The following AUTS2 variants were observed in gnomAD, a reference collection of about 807,000 sequenced individuals.
AUTS2 encodes the protein autism susceptibility gene 2 protein.
A neutral mutation model predicts 112.4 loss-of-function variants in AUTS2; 17 were observed. The observed-to-expected ratio is 0.15, with a 90% CI of 0.10 to 0.23. The LOEUF (loss-of-function observed/expected upper bound fraction) is 0.23, where lower values mean the gene tolerates loss of function less well. Among genes scored for constraint, AUTS2 ranks in the 10% least tolerant of loss-of-function variants. AUTS2 has a pLI of 1.00. For synonymous variants in AUTS2, 751 were observed against 702.7 expected, an observed-to-expected ratio of 1.07 and a Z score of -1.09; for missense variants, 1,510 against 1,701.6, an observed-to-expected ratio of 0.89 and a Z score of 1.98.
intron 1 of AUTS2, among the ~76,000 whole-genome samples, chr7:69,713,459 A>G (rs1268294479): frequency 6.9e-6 from 1 of 145,880 alleles, no homozygotes; most frequent in Non-Finnish European, 1.5e-5. Context: ...TGCTTTCAAG[A>G]GTTTTTTTTT....
At chr7:69,798,031 T>TA (rs1197680991) in intron 1 of AUTS2, among the ~76,000 whole-genome samples, 2 of 152,094 alleles carry the variant, frequency 1.3e-5, no homozygotes, top group African/African-American at 4.8e-5. Context: ...CTTTTTTTTT[T>TA]AATCCATGAA....
intron 4 of AUTS2, among the ~76,000 whole-genome samples, chr7:70,372,900 A>C (rs997879285): frequency 1.3e-5 from 2 of 152,058 alleles, no homozygotes; most frequent in Non-Finnish European, 2.9e-5. Flanking sequence ...TCATGGGGGA[A>C]GGGCGAGGGT....
chr7:70,714,873 C>T (rs950301746), intron 6 of AUTS2, among the ~76,000 whole-genome samples: 2 of 152,114 alleles, frequency 1.3e-5, no homozygotes, highest in African/African-American at 4.8e-5. Flanking sequence ...TCTGGGTGTC[C>T]CAGTTTTAGT....
intron 4 of AUTS2, among the ~76,000 whole-genome samples, chr7:70,302,441 T>C (rs1220007041): frequency 6.6e-6 from 1 of 152,026 alleles, no homozygotes; most frequent in Non-Finnish European, 1.5e-5. Flanking sequence ...TTATACTAAA[T>C]GGGCTTGAAT....
chr7:70,662,490 CCA>C (rs2129543002), intron 5 of AUTS2, among the ~76,000 whole-genome samples: 1 of 152,282 alleles, frequency 6.6e-6, no homozygotes, highest in South Asian at 2.1e-4. Context: ...GCTGTAATCC[CCA>C]GTGTTCAAGC....
intron 1 of AUTS2, among the ~76,000 whole-genome samples, chr7:69,894,817 C>T (rs1794678271): frequency 6.6e-6 from 1 of 152,118 alleles, no homozygotes; most frequent in African/African-American, 2.4e-5. Flanking sequence ...TTCTGCCACT[C>T]TTCATTTGCT....
Position 70,631,213 on chromosome 7 carries a change from C to T in AUTS2, c.691-67356C>T, listed in dbSNP as rs766447407. Among the ~76,000 whole-genome samples, 3 of 152,144 alleles carry T rather than the reference C, an allele frequency of 2.0e-5. No homozygotes were observed. The highest frequency in any genetic ancestry group is 4.4e-5 in the Non-Finnish European group (3 of 68,040). On this transcript the variant is annotated intron_variant, in intron 5 of 18. Coordinates refer to ENST00000342771, the MANE Select transcript of AUTS2 (RefSeq NM_015570.4). The surrounding 1 kb of genome is among the most constrained non-coding windows in gnomAD (Gnocchi z 4.5). The stretch of plus-strand genomic sequence containing the variant: ...TGTCAGCACAGGATGACGAAGGGGC[C>T]AAGAGGGTCCTCAGAGACAAACTGT...
chr7:70,774,084 C>T lies in AUTS2; in HGVS notation c.1887C>T (p.Leu629=). ...ARPGTVPHTL[L]QKDPRLTDPF... ...CTGGGACAGTCCCACACACTTTACT[C>T]CAAAAGGACCCGAGGGTACGTGCAA... The change falls in exon 12 of 19, where the codon CTC becomes CTT. Residue 629 remains leucine (L), a synonymous_variant. Coordinates refer to ENST00000342771, the MANE Select transcript of AUTS2 (RefSeq NM_015570.4). 1 of 1,614,194 alleles carries T rather than the reference C, an allele frequency of 6.2e-7. No individual in the cohort carries two copies. The highest frequency in any genetic ancestry group is 8.5e-7 in the Non-Finnish European group (1 of 1,180,020).
At chr7:70,555,904 A>G (rs1801228796) in intron 5 of AUTS2, among the ~76,000 whole-genome samples, 1 of 151,332 alleles carries the variant, frequency 6.6e-6, no homozygotes, top group South Asian at 2.1e-4. Context: ...TCCCGGGTTC[A>G]TGCCATTCTC....
At chr7:69,892,172 T>C (rs917817335) in intron 1 of AUTS2, among the ~76,000 whole-genome samples, 1 of 61,176 alleles carries the variant, frequency 1.6e-5, no homozygotes, top group African/African-American at 8.8e-5. Context: ...TTTTGAGAAT[T>C]TTTTTTTTTT....
intron 4 of AUTS2, among the ~76,000 whole-genome samples, chr7:70,217,807 C>G (rs1179643411): frequency 6.6e-6 from 1 of 152,168 alleles, no homozygotes; most frequent in Non-Finnish European, 1.5e-5. Flanking sequence ...TGGGCTGCTG[C>G]AACAATGGAC....
At chr7:70,620,937 A>C (rs1554443519) in intron 5 of AUTS2, among the ~76,000 whole-genome samples, 1 of 152,142 alleles carries the variant, frequency 6.6e-6, no homozygotes, top group Non-Finnish European at 1.5e-5. Context: ...TGGTCAGAAG[A>C]CCAGTTCAGC....
chr7:70,424,736 A>G (rs1488859030), intron 4 of AUTS2, among the ~76,000 whole-genome samples: 2 of 152,068 alleles, frequency 1.3e-5, no homozygotes, highest in Non-Finnish European at 2.9e-5. Flanking sequence ...ACAGGCATGC[A>G]TGACCATACC....
At chr7:70,602,177 CCAT>C (rs2067148) in intron 5 of AUTS2, among the ~76,000 whole-genome samples, 67,913 of 151,808 alleles carry the variant, frequency 0.45, 15,742 homozygotes, top group Non-Finnish European at 0.48. Context: ...AAAACCTTTG[CCAT>C]CATCCTCTCA....
At chr7:70,414,002 C>T (rs73175912) in intron 4 of AUTS2, among the ~76,000 whole-genome samples, 1,670 of 152,288 alleles carry the variant, frequency 0.011, 13 homozygotes, top group South Asian at 0.057. Flanking sequence ...TGCTTACACA[C>T]TGCTTTTGGA....
chr7:70,685,986 C>G (rs1196399029), intron 5 of AUTS2, among the ~76,000 whole-genome samples: 1 of 152,194 alleles, frequency 6.6e-6, no homozygotes, highest in Non-Finnish European at 1.5e-5. Context: ...ATGACAGCCA[C>G]TGTTTGCTGA....
intron 1 of AUTS2, among the ~76,000 whole-genome samples, chr7:69,688,680 GT>G (rs994838818): frequency 2.0e-5 from 3 of 152,066 alleles, no homozygotes; most frequent in African/African-American, 7.2e-5. Flanking sequence ...ATATATTATT[GT>G]TAACTATAGT....
chr7:69,916,783 C>T (rs780277511), intron 2 of AUTS2, among the ~76,000 whole-genome samples: 4 of 152,150 alleles, frequency 2.6e-5, no homozygotes, highest in Non-Finnish European at 4.4e-5. Context: ...ATCCTTCCTG[C>T]GAGTGCAGTA....
At chr7:70,495,282 C>T (rs185247919) in intron 5 of AUTS2, among the ~76,000 whole-genome samples, 1 of 151,594 alleles carries the variant, frequency 6.6e-6, no homozygotes, top group Non-Finnish European at 1.5e-5. Flanking sequence ...AGTCCACCCC[C>T]CTTCTACTTA....
Sources: gnomAD v4.1 joint callset for allele counts (sites outside exome capture counted in the v4.1 genomes callset) on GRCh38, gnomAD v4.1.1 for gene constraint, Gnocchi (gnomAD v3.1) non-coding constraint, MANE v1.5 for transcripts, NCBI Gene and HGNC (gene_info 2026-07-23, HGNC 2026-07-21) for gene names.